ADGRV1: variants seen among roughly 807,000 people sequenced by gnomAD.
ADGRV1 encodes G-protein coupled receptor 98.
Under a neutral mutation model 596.2 loss-of-function variants are expected in ADGRV1, and 359 were observed. The observed-to-expected ratio is 0.60, with a 90% confidence interval of 0.55 to 0.66. ADGRV1 has a LOEUF of 0.66. ADGRV1 is among the 30% of genes least tolerant of loss of function. The pLI is 0.00. For synonymous variants in ADGRV1, 2,681 were observed against 2,679.2 expected (o/e 1.00, Z -0.02); for missense variants, 7,274 against 7,575.6 (o/e 0.96, Z 1.48).
intron 68 of ADGRV1, among the ~76,000 whole-genome samples, chr5:90,789,066 A>C (rs570161727): frequency 6.6e-6 from 1 of 152,202 alleles, no homozygotes; most frequent in Non-Finnish European, 1.5e-5. Context: ...TAAAAACTCA[A>C]GCAGGATTCC....
chr5:90,983,070 A>T (rs1015902933), intron 84 of ADGRV1, among the ~76,000 whole-genome samples: 1 of 152,184 alleles, frequency 6.6e-6, no homozygotes, highest in Admixed American at 6.5e-5. Flanking sequence ...ATATTATGGG[A>T]AATACTTCTC....
intron 86 of ADGRV1, among the ~76,000 whole-genome samples, chr5:91,079,832 C>A (rs1040994478): frequency 6.6e-6 from 1 of 152,022 alleles, no homozygotes; most frequent in Non-Finnish European, 1.5e-5. Context: ...TAATTGACAT[C>A]TTTTTTCTAG....
intron 21 of ADGRV1, among the ~76,000 whole-genome samples, chr5:90,658,666 AT>A (rs1034975143): frequency 9.1e-4 from 108 of 118,748 alleles, no homozygotes; most frequent in African/African-American, 3.9e-3. Context: ...TTATTAAAAT[AT>A]GATTTTTTGA....
intron 50 of ADGRV1, among the ~76,000 whole-genome samples, chr5:90,739,613 G>T (rs1301378190): frequency 6.6e-6 from 1 of 152,160 alleles, no homozygotes; most frequent in Non-Finnish European, 1.5e-5. Flanking sequence ...TCTCTGGTTG[G>T]GGTCTTCAGT....
rs897626253 is a variant in ADGRV1, at chr5:90,745,128, A to C, written c.10632A>C (p.Glu3544Asp). Residue 3544 changes from glutamate to aspartate, a missense_variant, in exon 51 of 90, where the codon GAA becomes GAC. Coordinates refer to ENST00000405460, the MANE Select transcript of ADGRV1 (RefSeq NM_032119.4). ...SERNQFSFVLEVPSAYDVASV... is the reference protein window; with the variant it reads ...SERNQFSFVLDVPSAYDVASV... ...GTAATCAATTCTCTTTTGTTCTGGAAGTACCTTCTGCTTATGATGTGGCTT... is the reference window on the plus strand; with the variant it reads ...GTAATCAATTCTCTTTTGTTCTGGACGTACCTTCTGCTTATGATGTGGCTT... 3.4e-5 allele frequency: 55 copies of C among 1,613,634 alleles called. No individual in the cohort carries two copies. The highest frequency in any genetic ancestry group is 4.2e-5 in the Non-Finnish European group (50 of 1,179,778).
intron 86 of ADGRV1, among the ~76,000 whole-genome samples, chr5:91,095,391 G>A (rs1307579500): frequency 6.6e-6 from 1 of 151,998 alleles, no homozygotes; most frequent in Non-Finnish European, 1.5e-5. Flanking sequence ...GTAAAGACAG[G>A]GTTTTGCCAT....
chr5:90,690,115 C>A, intron 30 of ADGRV1, 39 bp downstream of exon 30: 1 of 1,126,946 alleles, frequency 8.9e-7, no homozygotes, highest in Non-Finnish European at 1.3e-6. Flanking sequence ...GACTTGTCTG[C>A]ATGTATAGAT....
At chr5:90,947,992 C>T (rs1009649428) in intron 83 of ADGRV1, among the ~76,000 whole-genome samples, 1 of 152,098 alleles carries the variant, frequency 6.6e-6, no homozygotes, top group Non-Finnish European at 1.5e-5. Context: ...CCAGACTTCC[C>T]AGGAGAACTC....
rs376682480 is a variant in ADGRV1, at chr5:90,745,745, A to G, written c.10924A>G (p.Ile3642Val). 1.0e-4 allele frequency: 165 copies of G among 1,612,342 alleles called. No homozygotes were observed. Among genetic ancestry groups the G allele is most frequent in the Non-Finnish European group, 1.3e-4 (151 of 1,179,086 alleles). ...AEIGINDSVT[I>V]TILSNDDAYG... ...GATTGGCATTAATGATTCTGTAACA[A>G]TAACCATTCTGTCTAATGATGATGC... The change falls in exon 52 of 90, where the codon ATA (isoleucine) becomes GTA (valine). Residue 3642 changes from isoleucine (I) to valine (V), a missense_variant. Transcript: ENST00000405460.
At chr5:90,748,090 A>G (rs1483709830) in intron 52 of ADGRV1, among the ~76,000 whole-genome samples, 3 of 152,216 alleles carry the variant, frequency 2.0e-5, no homozygotes, top group Non-Finnish European at 2.9e-5. Context: ...TATGGGAAGC[A>G]TGAATTTGCT....
chr5:90,950,308 A>G (rs1291237677), intron 83 of ADGRV1, among the ~76,000 whole-genome samples: 1 of 152,060 alleles, frequency 6.6e-6, no homozygotes, highest in Non-Finnish European at 1.5e-5. Flanking sequence ...AAGGATGGAC[A>G]TATTTAAGAA....
chr5:90,819,401 G>T (rs1427620901), intron 75 of ADGRV1, among the ~76,000 whole-genome samples: 2 of 151,270 alleles, frequency 1.3e-5, no homozygotes, highest in Admixed American at 6.6e-5. Context: ...AGAGTTTTTT[G>T]TGTCTCTATT....
chr5:91,048,936 A>T (rs2151300690), intron 85 of ADGRV1, among the ~76,000 whole-genome samples: 1 of 152,310 alleles, frequency 6.6e-6, no homozygotes, highest in African/African-American at 2.4e-5. Flanking sequence ...TACTTTGCCT[A>T]CAATTCCATT....
intron 87 of ADGRV1, among the ~76,000 whole-genome samples, chr5:91,126,315 T>C (rs1049895849): frequency 6.6e-6 from 1 of 152,244 alleles, no homozygotes; most frequent in Non-Finnish European, 1.5e-5. Flanking sequence ...CAACCCAAAC[T>C]GACATTTTCA....
At chr5:90,794,960 C>T (rs904369722) in intron 70 of ADGRV1, among the ~76,000 whole-genome samples, 3 of 152,060 alleles carry the variant, frequency 2.0e-5, no homozygotes, top group African/African-American at 4.8e-5. Context: ...AGATACTGTG[C>T]TTTCCCCATA....
chr5:90,613,365 A>G (rs1762945419), intron 1 of ADGRV1, among the ~76,000 whole-genome samples: 1 of 152,054 alleles, frequency 6.6e-6, no homozygotes, highest in South Asian at 2.1e-4. Flanking sequence ...AGAATTCCAT[A>G]AAAGACCTTC....
chr5:90,707,824 T>C (rs1748802634), intron 38 of ADGRV1, among the ~76,000 whole-genome samples: 1 of 152,080 alleles, frequency 6.6e-6, no homozygotes, highest in Non-Finnish European at 1.5e-5. Flanking sequence ...TTCTGCTCCC[T>C]GATTAGCACT....
chr5:90,593,363 ACAC>A (rs1312061363), intron 1 of ADGRV1, among the ~76,000 whole-genome samples: 1 of 152,096 alleles, frequency 6.6e-6, no homozygotes, highest in African/African-American at 2.4e-5. Context: ...GGAAAACCAA[ACAC>A]CACATGTTCT....
chr5:90,689,811 G>GT, intron 29 of ADGRV1, 50 bp from the exon 30 acceptor site: 4 of 1,321,574 alleles, frequency 3.0e-6, no homozygotes, highest in Non-Finnish European at 4.3e-6. Context: ...TATATGGAAT[G>GT]TTTTGATCAT....
Sources: allele counts gnomAD v4.1 joint callset (sites outside exome capture counted in the v4.1 genomes callset), GRCh38; gene constraint gnomAD v4.1.1; transcripts MANE v1.5; gene names NCBI Gene and HGNC (gene_info 2026-07-23, HGNC 2026-07-21).